CDH12: variants seen among roughly 807,000 people sequenced by gnomAD.
The protein encoded by CDH12 is cadherin 12.
CDH12 carries 41 observed loss-of-function variants against 74.1 expected under a neutral mutation model. That is an observed-to-expected ratio of 0.55 (90% CI 0.43 to 0.72). The LOEUF is 0.72. CDH12 is among the 30% of genes least tolerant of loss of function. The pLI, the probability that CDH12 is intolerant of heterozygous loss-of-function variation, is 0.00. For synonymous variants in CDH12, 399 were observed against 355.0 expected (o/e 1.12, Z -1.39); for missense variants, 945 against 977.2 (o/e 0.97, Z 0.44).
chr5:22,219,390 C>T (rs999898991), intron 3 of CDH12, among the ~76,000 whole-genome samples: 1 of 151,542 alleles, frequency 6.6e-6, no homozygotes, highest in African/African-American at 2.4e-5. Context: ...CCTCTGAATA[C>T]CATATTTCAT....
intron 1 of CDH12, among the ~76,000 whole-genome samples, chr5:22,694,393 A>C (rs1323810363): frequency 6.6e-6 from 1 of 152,142 alleles, no homozygotes; most frequent in Non-Finnish European, 1.5e-5. Context: ...TGCTGTTGAT[A>C]GTCTCAAATC....
At chr5:22,665,815 G>T (rs1740584426) in intron 1 of CDH12, among the ~76,000 whole-genome samples, 1 of 152,208 alleles carries the variant, frequency 6.6e-6, no homozygotes, top group South Asian at 2.1e-4. Context: ...GCCCAACAGT[G>T]CTATCTTTCA....
chr5:22,800,907 T>C (rs1476074667), intron 1 of CDH12, among the ~76,000 whole-genome samples: 1 of 152,188 alleles, frequency 6.6e-6, no homozygotes, highest in Non-Finnish European at 1.5e-5. Context: ...TACTATTCCA[T>C]TGTCTGATTG....
intron 5 of CDH12, among the ~76,000 whole-genome samples, chr5:22,019,295 T>C (rs181084150): frequency 2.0e-5 from 3 of 152,308 alleles, no homozygotes; most frequent in East Asian, 1.9e-4. Context: ...ACATACAGTA[T>C]ATACTTAAGA....
intron 3 of CDH12, among the ~76,000 whole-genome samples, chr5:22,282,861 C>A (rs866951036): frequency 6.6e-6 from 1 of 152,036 alleles, no homozygotes; most frequent in Non-Finnish European, 1.5e-5. Flanking sequence ...ACTAGAAATG[C>A]CACTTGACCC....
intron 8 of CDH12, among the ~76,000 whole-genome samples, chr5:21,824,193 T>C (rs1748530966): frequency 6.6e-6 from 1 of 152,122 alleles, no homozygotes; most frequent in African/African-American, 2.4e-5. Context: ...AGCCTTTCTC[T>C]GTCCAAATTT....
chr5:22,232,170 T>C (rs928278861), intron 3 of CDH12, among the ~76,000 whole-genome samples: 4 of 151,930 alleles, frequency 2.6e-5, no homozygotes, highest in African/African-American at 9.6e-5. Flanking sequence ...TATTTGTTAT[T>C]CGTGTGCTTA....
At chr5:22,025,049 C>T (rs993110838) in intron 5 of CDH12, among the ~76,000 whole-genome samples, 48 of 152,040 alleles carry the variant, frequency 3.2e-4, no homozygotes, top group African/African-American at 9.2e-4. Flanking sequence ...TACTATGATG[C>T]CTAATAATAA....
intron 6 of CDH12, among the ~76,000 whole-genome samples, chr5:21,908,038 T>C (rs77821333): frequency 0.031 from 4,651 of 152,280 alleles, 212 homozygotes; most frequent in African/African-American, 0.093. Context: ...ATGGACAATT[T>C]CTTTGTGCCG....
At chr5:22,077,818 T>C (rs895578028) in intron 5 of CDH12, among the ~76,000 whole-genome samples, 1 of 152,304 alleles carries the variant, frequency 6.6e-6, no homozygotes, top group South Asian at 2.1e-4. Context: ...GCATGCTCTG[T>C]TGATGTGTAC....
At chr5:22,488,089 T>C (rs905605595) in intron 2 of CDH12, among the ~76,000 whole-genome samples, 3 of 152,218 alleles carry the variant, frequency 2.0e-5, no homozygotes, top group Non-Finnish European at 4.4e-5. Context: ...AAGTACTTTG[T>C]AACAAAGAAA....
intron 2 of CDH12, among the ~76,000 whole-genome samples, chr5:22,431,451 T>C (rs1744168505): frequency 6.6e-6 from 1 of 152,240 alleles, no homozygotes; most frequent in African/African-American, 2.4e-5. Context: ...CATACAATTA[T>C]GTAGAGTACA....
intron 3 of CDH12, among the ~76,000 whole-genome samples, chr5:22,392,101 AC>A (rs1742273298): frequency 6.6e-6 from 1 of 152,140 alleles, no homozygotes; most frequent in South Asian, 2.1e-4. Context: ...TTCCTGTCCT[AC>A]CCCTTCCTTT....
intron 5 of CDH12, among the ~76,000 whole-genome samples, chr5:22,057,972 T>G (rs1740858302): frequency 6.6e-6 from 1 of 152,156 alleles, no homozygotes; most frequent in Admixed American, 6.6e-5. Context: ...TTATCTGGTT[T>G]ATTTTCAAAG....
intron 3 of CDH12, among the ~76,000 whole-genome samples, chr5:22,351,830 C>T (rs1436625333): frequency 6.6e-6 from 1 of 152,126 alleles, no homozygotes; most frequent in African/African-American, 2.4e-5. Flanking sequence ...GTGTAAATCA[C>T]AAAAGGTGGT....
intron 5 of CDH12, among the ~76,000 whole-genome samples, chr5:22,019,804 T>A (rs1422930540): frequency 6.6e-6 from 1 of 152,174 alleles, no homozygotes; most frequent in Non-Finnish European, 1.5e-5. Flanking sequence ...GATAAAACCA[T>A]CAATAATTAA....
At chr5:22,028,868 A>T (rs935682199) in intron 5 of CDH12, among the ~76,000 whole-genome samples, 8 of 152,218 alleles carry the variant, frequency 5.3e-5, no homozygotes, top group African/African-American at 1.9e-4. Context: ...ACTATACTAC[A>T]AGGCTACAGT....
At chr5:22,696,562 T>C (rs183860778) in intron 1 of CDH12, among the ~76,000 whole-genome samples, 30 of 152,256 alleles carry the variant, frequency 2.0e-4, no homozygotes, top group African/African-American at 7.2e-4. Context: ...GACTAATATA[T>C]ATTTTTTCAA....
At position 22,773,346 on chromosome 5, in the gene CDH12, G is replaced by A. The variant is rs186072082; in HGVS notation, c.-523+79712C>T. On this transcript the variant is annotated intron_variant, in intron 1 of 14. Coordinates refer to ENST00000382254, the MANE Select transcript of CDH12 (RefSeq NM_004061.5). ...ACAGAATAGACTGCCCAAAAATAAAGCTGCACACCTAGAGCCATCTGATCT... is the reference window on the plus strand; with the variant it reads ...ACAGAATAGACTGCCCAAAAATAAAACTGCACACCTAGAGCCATCTGATCT... Among the ~76,000 whole-genome samples the A allele has an allele frequency of 2.6e-5, 4 of 151,968 alleles. No homozygotes were observed. The East Asian group carries it at 7.8e-4, about 29-fold the overall frequency.
Sources: gnomAD v4.1 joint callset for allele counts (sites outside exome capture counted in the v4.1 genomes callset) on GRCh38, gnomAD v4.1.1 for gene constraint, MANE v1.5 for transcripts, NCBI Gene and HGNC (gene_info 2026-07-23, HGNC 2026-07-21) for gene names.